Variants in DYNC1LI1 observed in about 807,000 individuals in gnomAD.
The protein encoded by DYNC1LI1 is cytoplasmic dynein 1 light intermediate chain 1.
Under a neutral mutation model 63.8 loss-of-function variants are expected in DYNC1LI1, and 19 were observed. That is an observed-to-expected ratio of 0.30 (90% CI 0.21 to 0.44). The LOEUF (loss-of-function observed/expected upper bound fraction) is 0.44. Among genes scored for constraint, DYNC1LI1 ranks in the 20% least tolerant of loss-of-function variants. The pLI is 1.00. For synonymous variants in DYNC1LI1, 225 were observed against 232.3 expected (o/e 0.97, Z 0.28); for missense variants, 565 against 630.2 (o/e 0.90, Z 1.11).
At chr3:32,566,890 T>G (rs116399098) in intron 2 of DYNC1LI1, among the ~76,000 whole-genome samples, 2 of 152,178 alleles carry the variant, frequency 1.3e-5, no homozygotes, top group Admixed American at 1.3e-4. Flanking sequence ...AGTCCTACCT[T>G]TATTAAAAAC....
chr3:32,532,867 T>A, intron 8 of DYNC1LI1, 119 bp downstream of exon 8: 1 of 1,378,214 alleles, frequency 7.3e-7, no homozygotes, highest in Non-Finnish European at 9.3e-7. Flanking sequence ...AAATTATACT[T>A]AGAAACCCTC....
At position 32,539,001 on chromosome 3, in the gene DYNC1LI1, G is replaced by A. The variant is rs111367628; in HGVS notation, c.739-1897C>T. Among the ~76,000 whole-genome samples, 1,022 of 152,086 alleles carry A rather than the reference G, an allele frequency of 6.7e-3. 7 individuals are homozygous for A. Among genetic ancestry groups the A allele is most frequent in the South Asian group, 0.014 (66 of 4,826 alleles). On this transcript the variant is annotated intron_variant, in intron 5 of 12. Coordinates refer to ENST00000273130, the MANE Select transcript of DYNC1LI1 (RefSeq NM_016141.4). ...CTATGACTCATTTGATACTGATTCC[G>A]GACCCTTTAAGCTTAACATTTTTCT...
rs768480765 is a variant in DYNC1LI1 at position 32,570,695 on chromosome 3, A to C, written c.76T>G (p.Leu26Val). The C allele has an allele frequency of 2.5e-6, 4 of 1,608,408 alleles. No individual in the cohort carries two copies. The highest frequency in any genetic ancestry group is 3.4e-6 in the Non-Finnish European group (4 of 1,177,602). ...GLSSTYTGGPLGNEIASGNGG... is the reference protein window; with the variant it reads ...GLSSTYTGGPVGNEIASGNGG... ...TTGCCCGACGCTATCTCGTTGCCCA[A>C]GGGGCCGCCAGTGTAAGTCGAGGAT... The change falls in exon 1 of 13, where the codon TTG (leucine) becomes GTG (valine). Residue 26 changes from leucine to valine, a missense_variant. By Grantham distance (32) the Leu-to-Val change is conservative (BLOSUM62 1). Transcript: ENST00000273130.
At chr3:32,563,040 C>G (rs1307575452) in intron 2 of DYNC1LI1, among the ~76,000 whole-genome samples, 1 of 152,124 alleles carries the variant, frequency 6.6e-6, no homozygotes. Flanking sequence ...TACCGACATA[C>G]TTGATCTTTA....
intron 6 of DYNC1LI1, among the ~76,000 whole-genome samples, chr3:32,535,134 A>G (rs1418590784): frequency 2.0e-5 from 3 of 152,226 alleles, no homozygotes; most frequent in African/African-American, 7.2e-5. Context: ...AGAGAGCAAA[A>G]GAAACCCAAT....
At chr3:32,538,049 T>TATATATATATAATTATATATATAATA (rs1553617973) in intron 5 of DYNC1LI1, among the ~76,000 whole-genome samples, 1 of 4,324 alleles carries the variant, frequency 2.3e-4, no homozygotes, top group Non-Finnish European at 3.1e-4. Context: ...ATATATATAA[T>TATATATATATAATTATATATATAATA]TATATATATA....
Position 32,534,545 on chromosome 3 carries a change from G to GA in DYNC1LI1, c.933dup (p.Pro312SerfsTer18). On this transcript the variant is annotated frameshift_variant, in exon 7 of 13. Coordinates refer to ENST00000273130, the MANE Select transcript of DYNC1LI1 (RefSeq NM_016141.4). LOFTEE classifies it high-confidence loss of function. ...GCATCCTTTTCCACAACAACAGCAG[G>GA]AATCTTATAGGGAAATCCATATAGT... 1 of 1,596,294 alleles carries GA rather than the reference G, an allele frequency of 6.3e-7. No individual in the cohort carries two copies. Among genetic ancestry groups the GA allele is most frequent in the Non-Finnish European group, 8.6e-7 (1 of 1,168,398 alleles).
At chr3:32,535,052 A>G (rs1158976774) in intron 6 of DYNC1LI1, among the ~76,000 whole-genome samples, 1 of 152,234 alleles carries the variant, frequency 6.6e-6, no homozygotes, top group Non-Finnish European at 1.5e-5. Flanking sequence ...GTGTGTTAAC[A>G]GTGTCTCTTT....
At chr3:32,569,732 A>C (rs527883564) in intron 2 of DYNC1LI1, among the ~76,000 whole-genome samples, 1 of 152,304 alleles carries the variant, frequency 6.6e-6, no homozygotes, top group South Asian at 2.1e-4. Flanking sequence ...AGGAGAACTG[A>C]CACTGGACCG....
At chr3:32,566,711 C>T (rs1194746974) in intron 2 of DYNC1LI1, 8 of 435,498 alleles carry the variant, frequency 1.8e-5, no homozygotes, top group Middle Eastern at 7.2e-4. Flanking sequence ...ACACTCTAGC[C>T]GGGGCAACAA....
intron 8 of DYNC1LI1, chr3:32,530,725 T>A: frequency 1.8e-6 from 1 of 556,318 alleles, no homozygotes; most frequent in South Asian, 2.3e-5. Context: ...GGAAATATTC[T>A]ATATCTGTGC....
intron 1 of DYNC1LI1, 52 bp from the exon 2 acceptor site, chr3:32,570,471 G>C (rs1204079967): frequency 6.6e-7 from 1 of 1,526,298 alleles, no homozygotes; most frequent in Non-Finnish European, 8.8e-7. Context: ...CCGCAGCGCG[G>C]GAGGGACGGA....
chr3:32,550,477 GCTCA>G (rs1032774697), intron 2 of DYNC1LI1, among the ~76,000 whole-genome samples: 125 of 152,132 alleles, frequency 8.2e-4, no homozygotes, highest in African/African-American at 2.8e-3. Context: ...AACTATATAG[GCTCA>G]CTATTTTAAT....
rs144788324 is a variant in DYNC1LI1 at position 32,558,381 on chromosome 3, T to C, written c.220+11965A>G. ...TCTCTGTCACACATTTTTTGTTTTATTCCCCCAACTCTTTAAAAATGTAAA... is the reference window on the plus strand; with the variant it reads ...TCTCTGTCACACATTTTTTGTTTTACTCCCCCAACTCTTTAAAAATGTAAA... On this transcript the variant is annotated intron_variant, in intron 2 of 12. Transcript: ENST00000273130. Among the ~76,000 whole-genome samples the C allele has an allele frequency of 7.3e-3, 1,061 of 145,492 alleles. 21 individuals are homozygous for C. Among genetic ancestry groups the C allele is most frequent in the African/African-American group, 0.026 (1,011 of 39,256 alleles).
At chr3:32,561,505 G>A (rs12485354) in intron 2 of DYNC1LI1, among the ~76,000 whole-genome samples, 12,374 of 151,804 alleles carry the variant, frequency 0.082, 543 homozygotes, top group South Asian at 0.12. Context: ...GGCACACGCC[G>A]GTGGTCCCAG....
chr3:32,549,990 T>C lies in DYNC1LI1; in HGVS notation c.221-4025A>G, dbSNP rs62252799. On this transcript the variant is annotated intron_variant, in intron 2 of 12. Transcript: ENST00000273130. ...GAATAGAAATCATATTATCTAGAAATAATCATTGATAATTTGGTTATCTCT... is the reference window on the plus strand; with the variant it reads ...GAATAGAAATCATATTATCTAGAAACAATCATTGATAATTTGGTTATCTCT... Among the ~76,000 whole-genome samples the C allele has an allele frequency of 2.4e-4, 37 of 152,280 alleles. No individual in the cohort carries two copies. In the East Asian group the frequency reaches 7.1e-3, roughly 29 times the overall value.
intron 2 of DYNC1LI1, among the ~76,000 whole-genome samples, chr3:32,546,385 G>A (rs533643834): frequency 1.3e-5 from 2 of 152,022 alleles, no homozygotes; most frequent in South Asian, 4.2e-4. Flanking sequence ...TCCAGGCTGG[G>A]TAACAAAGCA....
rs149945488 is a variant in DYNC1LI1, at chr3:32,529,748, A to G, written c.1186-88T>C. On this transcript the variant is annotated intron_variant, in intron 10 of 12. Transcript: ENST00000273130. ...TATTGTAAAAAGAAATTACTTTGCA[A>G]CTATCCCCTGTTCTACTGGTACTTT... 1.3e-4 allele frequency: 160 copies of G among 1,192,878 alleles called. No homozygotes were observed. The African/African-American group carries it at 2.3e-3, about 17-fold the overall frequency. 73.9% of individuals were successfully genotyped at this position (1,192,878 alleles called of 1,614,324 possible).
At chr3:32,559,765 T>C (rs1035827714) in intron 2 of DYNC1LI1, among the ~76,000 whole-genome samples, 2 of 152,302 alleles carry the variant, frequency 1.3e-5, no homozygotes, top group African/African-American at 2.4e-5. Flanking sequence ...CCTTATCCAA[T>C]TGAGATATCA....
Sources: allele counts gnomAD v4.1 joint callset (sites outside exome capture counted in the v4.1 genomes callset), GRCh38; gene constraint gnomAD v4.1.1; transcripts MANE v1.5; gene names NCBI Gene and HGNC (gene_info 2026-07-23, HGNC 2026-07-21).